RBM33: variants seen among roughly 807,000 people sequenced by gnomAD.
RBM33 encodes RNA-binding protein 33.
RBM33 carries 28 observed loss-of-function variants against 132.6 expected under a neutral mutation model. That is an observed-to-expected ratio of 0.21 (90% CI 0.16 to 0.29). The LOEUF (loss-of-function observed/expected upper bound fraction) is 0.29, where lower values mean the gene tolerates loss of function less well. RBM33 is among the 10% of genes least tolerant of loss of function. The pLI is 1.00. For missense variants in RBM33, 1,291 were observed against 1,518.5 expected, an observed-to-expected ratio of 0.85 and a Z score of 2.49; for synonymous variants, 634 against 593.0, an observed-to-expected ratio of 1.07 and a Z score of -1.01.
intron 1 of RBM33, among the ~76,000 whole-genome samples, chr7:155,645,809 GTA>G (rs776226179): frequency 1.3e-4 from 20 of 152,332 alleles, no homozygotes; most frequent in Non-Finnish European, 2.6e-4. Flanking sequence ...CCAGTCTAGT[GTA>G]TACTCGAGAA....
chr7:155,715,250 G>A (rs1244085617), intron 8 of RBM33, among the ~76,000 whole-genome samples: 3 of 152,188 alleles, frequency 2.0e-5, no homozygotes, highest in African/African-American at 7.2e-5. Flanking sequence ...CCCCATAGTG[G>A]TTGTCCTGAA....
rs1009234013 is a variant in RBM33 at position 155,659,096 on chromosome 7, G to A, written c.44-6079G>A. ...AAACAAATGGACAGCAACCTTCATT[G>A]TGTAACAGCAGCAACTCTGGGGAAG... On this transcript the variant is annotated intron_variant, in intron 1 of 17. Coordinates refer to ENST00000401878, the MANE Select transcript of RBM33 (RefSeq NM_053043.3). 1.3e-5 allele frequency among the ~76,000 whole-genome samples: 2 copies of A among 152,330 alleles called. 1 individual carries two copies. Among genetic ancestry groups the A allele is most frequent in the Admixed American group, 1.3e-4 (2 of 15,302 alleles).
chr7:155,747,222 T>C (rs1343623801), intron 14 of RBM33, among the ~76,000 whole-genome samples: 1 of 152,250 alleles, frequency 6.6e-6, no homozygotes. Flanking sequence ...TCATATTATA[T>C]GAATTTGTTA....
intron 9 of RBM33, among the ~76,000 whole-genome samples, chr7:155,727,680 A>G (rs183943696): frequency 6.6e-6 from 1 of 152,374 alleles, no homozygotes; most frequent in Admixed American, 6.5e-5. Context: ...CTCAAGTTCT[A>G]TTAGAGCAGT....
At position 155,774,714 on chromosome 7, in the gene RBM33, C is replaced by T; in HGVS notation, c.3464+67C>T. On this transcript the variant is annotated intron_variant, in intron 17 of 17. Coordinates refer to ENST00000401878, the MANE Select transcript of RBM33 (RefSeq NM_053043.3). The surrounding 1 kb of genome is among the most constrained non-coding windows in gnomAD (Gnocchi z 4.2). Reference sequence around the variant, plus strand: ...AGCAAGGCCCTCCTTCCTGTGCCCTCCCATCCATCATGGTAGCAAGCGTGT... The same window carrying T: ...AGCAAGGCCCTCCTTCCTGTGCCCTTCCATCCATCATGGTAGCAAGCGTGT... 1 of 1,259,002 alleles carries T rather than the reference C, an allele frequency of 7.9e-7. No individual in the cohort carries two copies. Among genetic ancestry groups the T allele is most frequent in the Non-Finnish European group, 1.2e-6 (1 of 856,280 alleles). The allele number at this position is 1,259,002 out of a possible 1,614,324, so 78.0% of individuals were successfully genotyped here.
rs558202065 is a variant in RBM33 at position 155,764,169 on chromosome 7, C to T, written c.3186+151C>T. On this transcript the variant is annotated intron_variant, in intron 15 of 17. Coordinates refer to ENST00000401878, the MANE Select transcript of RBM33 (RefSeq NM_053043.3). ...TTCCTTTGTTCTGGCTTTGAAAACGCGTTAACATTTTCACCAAAGCCTTTT... is the reference window on the plus strand; with the variant it reads ...TTCCTTTGTTCTGGCTTTGAAAACGTGTTAACATTTTCACCAAAGCCTTTT... 2.6e-5 allele frequency among the ~76,000 whole-genome samples: 4 copies of T among 152,310 alleles called. No homozygotes were observed. In the South Asian group the frequency reaches 6.2e-4, roughly 24 times the overall value.
chr7:155,658,679 G>A (rs1329332500), intron 1 of RBM33, among the ~76,000 whole-genome samples: 1 of 152,172 alleles, frequency 6.6e-6, no homozygotes, highest in Non-Finnish European at 1.5e-5. Flanking sequence ...GATTATAGGC[G>A]TGAGCCACCG....
At position 155,781,441 on chromosome 7, in the gene RBM33, G is replaced by A. The variant is rs1002673484; in HGVS notation, c.*6400G>A. ...AAAATGTGTTTGAACTATATTGTAT[G>A]TAATTTGGAAGTCGTGTTAATAAAA... On this transcript the variant is annotated 3_prime_UTR_variant, in exon 18 of 18. Coordinates refer to ENST00000401878, the MANE Select transcript of RBM33 (RefSeq NM_053043.3). 1 of 152,266 alleles carries A rather than the reference G, an allele frequency of 6.6e-6. No homozygotes were observed. 9.4% of individuals were successfully genotyped at this position (152,266 alleles called of 1,614,324 possible).
rs1195834675 is a variant in RBM33 at position 155,738,265 on chromosome 7, G to A, written c.1599G>A (p.Gln533=). The change falls in exon 11 of 18, where the codon CAG becomes CAA. Residue 533 remains glutamine (Q), a synonymous_variant. Transcript: ENST00000401878. The part of the protein sequence containing the change: ...PRERPVRPAL[Q]PPGPVGILHF... Reference sequence around the variant, plus strand: ...AGCGGCCCGTACGACCAGCCTTGCAGCCTCCAGGTCCGGTGGGGATTCTGC... The same window carrying A: ...AGCGGCCCGTACGACCAGCCTTGCAACCTCCAGGTCCGGTGGGGATTCTGC... 6.2e-7 allele frequency: 1 copy of A among 1,614,002 alleles called. No individual in the cohort carries two copies. Among genetic ancestry groups the A allele is most frequent in the Non-Finnish European group, 8.5e-7 (1 of 1,179,892 alleles).
rs1255817143 is a variant in RBM33, at chr7:155,711,183, C to T, written c.949-20C>T. 1 of 1,493,024 alleles carries T rather than the reference C, an allele frequency of 6.7e-7. No homozygotes were observed. The highest frequency in any genetic ancestry group is 2.6e-5 in the East Asian group (1 of 38,930). 92.5% of individuals were successfully genotyped at this position (1,493,024 alleles called of 1,614,324 possible). On this transcript the variant is annotated intron_variant, in intron 7 of 17. Coordinates refer to ENST00000401878, the MANE Select transcript of RBM33 (RefSeq NM_053043.3). ...TTTTGTGATTTGTAGACTCATTCTC[C>T]AAGGTTAATTCCTCCACAGCCCCAG... is the stretch of plus-strand genomic sequence containing the variant.
chr7:155,717,407 G>C (rs1045720849), intron 8 of RBM33, among the ~76,000 whole-genome samples: 1 of 152,008 alleles, frequency 6.6e-6, no homozygotes, highest in Non-Finnish European at 1.5e-5. Flanking sequence ...AAGGACACCA[G>C]GGTTGGGTTA....
At chr7:155,744,603 G>A (rs1801453844) in intron 13 of RBM33, among the ~76,000 whole-genome samples, 1 of 152,246 alleles carries the variant, frequency 6.6e-6, no homozygotes, top group South Asian at 2.1e-4. Flanking sequence ...TCAGAGAAGA[G>A]CCAGATAAAA....
intron 7 of RBM33, among the ~76,000 whole-genome samples, chr7:155,708,823 T>G (rs1800193248): frequency 6.6e-6 from 1 of 152,186 alleles, no homozygotes; most frequent in African/African-American, 2.4e-5. Flanking sequence ...CTCCATCCTA[T>G]TCACTCCCCA....
chr7:155,690,768 T>G (rs905410842), intron 5 of RBM33, among the ~76,000 whole-genome samples: 4 of 152,024 alleles, frequency 2.6e-5, no homozygotes, highest in African/African-American at 7.2e-5. Context: ...TTGAAAATTC[T>G]TTTTTTTAAG....
At position 155,711,429 on chromosome 7, in the gene RBM33, A is replaced by G; in HGVS notation, c.1175A>G (p.Lys392Arg). The change falls in exon 8 of 18, where the codon AAA becomes AGA. Residue 392 changes from lysine (K) to arginine (R), a missense_variant. This residue lies in a region of RBM33 where 10 missense variants were observed against 32.3 expected (regional missense o/e 0.31). Transcript: ENST00000401878. ...PKNIHINPHF[K>R]GTVVTPVQVP... ...AACATACACATCAACCCGCACTTCAAAGGGACGGTGGTCACGCCTGTTCAA... is the reference window on the plus strand; with the variant it reads ...AACATACACATCAACCCGCACTTCAGAGGGACGGTGGTCACGCCTGTTCAA... The G allele has an allele frequency of 1.3e-6, 2 of 1,508,380 alleles. No individual in the cohort carries two copies. The highest frequency in any genetic ancestry group is 2.6e-5 in the East Asian group (1 of 39,094). 93.4% of individuals were successfully genotyped at this position (1,508,380 alleles called of 1,614,324 possible). A position where few individuals can be genotyped will look rare whatever the true frequency, so the allele number is the denominator to read the frequency against.
intron 1 of RBM33, among the ~76,000 whole-genome samples, chr7:155,650,864 T>G (rs1798334314): frequency 6.6e-6 from 1 of 152,102 alleles, no homozygotes; most frequent in Non-Finnish European, 1.5e-5. Context: ...ACAGCTTCTT[T>G]TTGTTGTTGT....
At chr7:155,758,888 C>T (rs1248178524) in intron 14 of RBM33, among the ~76,000 whole-genome samples, 1 of 152,030 alleles carries the variant, frequency 6.6e-6, no homozygotes, top group African/African-American at 2.4e-5. Flanking sequence ...TAGCTGCATC[C>T]CAACCTGCCA....
chr7:155,766,689 T>C (rs752830761), intron 16 of RBM33, 34 bp downstream of exon 16: 1 of 1,580,258 alleles, frequency 6.3e-7, no homozygotes, highest in Non-Finnish European at 8.6e-7. Context: ...GTGCCACGGG[T>C]AGTTGTGTCC....
Position 155,775,105 on chromosome 7 carries a change from C to T in RBM33, c.*64C>T. 1 of 1,435,472 alleles carries T rather than the reference C, an allele frequency of 7.0e-7. No homozygotes were observed. Among genetic ancestry groups the T allele is most frequent in the Non-Finnish European group, 9.8e-7 (1 of 1,017,336 alleles). The allele number at this position is 1,435,472 out of a possible 1,614,324, so 88.9% of individuals were successfully genotyped here. On this transcript the variant is annotated 3_prime_UTR_variant, in exon 18 of 18. Coordinates refer to ENST00000401878, the MANE Select transcript of RBM33 (RefSeq NM_053043.3). ...CTGTGGAATTTCTTCAAGGGAGCTG[C>T]CGGCCGGCGCAGAACCCCCAGGAGC...
Sources: allele counts gnomAD v4.1 joint callset (sites outside exome capture counted in the v4.1 genomes callset), GRCh38; gene constraint gnomAD v4.1.1; regional missense constraint gnomAD v4.1.1; non-coding constraint Gnocchi (gnomAD v3.1); transcripts MANE v1.5; gene names NCBI Gene and HGNC (gene_info 2026-07-23, HGNC 2026-07-21).